Variants in ENOX1 observed in about 807,000 individuals in gnomAD.
ENOX1 encodes candidate growth-related and time keeping constitutive hydroquinone (NADH) oxidase.
In ENOX1, 42 loss-of-function variants were observed where a neutral mutation model predicts 82.5. The observed-to-expected ratio is 0.51, with a 90% confidence interval of 0.40 to 0.66. ENOX1 has a LOEUF of 0.66. Among genes scored for constraint, ENOX1 ranks in the 30% least tolerant of loss-of-function variants. ENOX1 has a pLI of 0.00. For missense variants in ENOX1, 608 were observed against 811.6 expected, an observed-to-expected ratio of 0.75 and a Z score of 3.05; for synonymous variants, 271 against 282.2, an observed-to-expected ratio of 0.96 and a Z score of 0.40.
At chr13:43,247,856 TATATATATATATATATA>T (rs1566329142) in intron 14 of ENOX1, among the ~76,000 whole-genome samples, 120 of 4,330 alleles carry the variant, frequency 0.028, 14 homozygotes, top group African/African-American at 0.044. Flanking sequence ...TATATATATA[TATATATATATATATATA>T]TATATATATA....
At chr13:43,512,272 G>C (rs118027616) in intron 2 of ENOX1, among the ~76,000 whole-genome samples, 133 of 152,046 alleles carry the variant, frequency 8.7e-4, no homozygotes, top group South Asian at 3.5e-3. Context: ...TAATTACCCA[G>C]CACGGTTAGG....
At chr13:43,616,200 ATATATT>A (rs1421903203) in intron 2 of ENOX1, among the ~76,000 whole-genome samples, 2,000 of 19,088 alleles carry the variant, frequency 0.1, 556 homozygotes, top group South Asian at 0.21. Context: ...ATATATATAT[ATATATT>A]TTTTTTTTTT....
In ENOX1 at chr13:43,359,951, T is replaced by C. The variant is rs745672944; in HGVS notation, c.489A>G (p.Glu163=). ...ATEEIIQEVF[E]QCGDITAIRK... ...GAATTGCTGTAATATCACCGCACTG[T>C]TCAAAGACTTCTTGAATAATTTCCT... is the stretch of plus-strand genomic sequence containing the variant. Residue 163 remains glutamate (E), a synonymous_variant, in exon 7 of 17, where the codon GAA becomes GAG. Coordinates refer to ENST00000690772, the MANE Select transcript of ENOX1 (RefSeq NM_001347969.2). 1.2e-6 allele frequency: 2 copies of C among 1,614,122 alleles called. No individual in the cohort carries two copies. The highest frequency in any genetic ancestry group is 2.7e-5 in the African/African-American group (2 of 74,952).
chr13:43,646,922 C>T (rs2083920355), intron 2 of ENOX1, among the ~76,000 whole-genome samples: 1 of 152,236 alleles, frequency 6.6e-6, no homozygotes, highest in African/African-American at 2.4e-5. Flanking sequence ...TTTCTCTTCA[C>T]AGAGGCTCAA....
At chr13:43,479,511 G>T (rs1307426290) in intron 3 of ENOX1, among the ~76,000 whole-genome samples, 1 of 152,076 alleles carries the variant, frequency 6.6e-6, no homozygotes, top group East Asian at 1.9e-4. Context: ...CCATTTTCCT[G>T]TACTGAGTTC....
chr13:43,490,985 T>C (rs1313217975), intron 2 of ENOX1, among the ~76,000 whole-genome samples: 4 of 152,202 alleles, frequency 2.6e-5, no homozygotes, highest in South Asian at 2.1e-4. Context: ...CATTCTTAGA[T>C]TGCTATAAAG....
chr13:43,597,188 A>G (rs1423021784), intron 2 of ENOX1, among the ~76,000 whole-genome samples: 1 of 152,198 alleles, frequency 6.6e-6, no homozygotes, highest in African/African-American at 2.4e-5. Flanking sequence ...TGAGAAGAGC[A>G]AAGGGGAAGT....
At chr13:43,439,144 G>A (rs1238102765) in intron 3 of ENOX1, among the ~76,000 whole-genome samples, 4 of 150,066 alleles carry the variant, frequency 2.7e-5, no homozygotes, top group African/African-American at 7.4e-5. Flanking sequence ...CCACCTCCCG[G>A]GTTCAAGCAA....
chr13:43,623,203 G>C (rs2082817074), intron 2 of ENOX1, among the ~76,000 whole-genome samples: 1 of 152,130 alleles, frequency 6.6e-6, no homozygotes, highest in African/African-American at 2.4e-5. Flanking sequence ...CGAAAGAAAA[G>C]GGTTTGGTTT....
intron 1 of ENOX1, among the ~76,000 whole-genome samples, chr13:43,679,370 C>T (rs2085671774): frequency 6.6e-6 from 1 of 152,136 alleles, no homozygotes; most frequent in African/African-American, 2.4e-5. Flanking sequence ...CAATTCCCAG[C>T]TATTTCTTAT....
At chr13:43,616,140 AGATATC>A (rs2082429072) in intron 2 of ENOX1, among the ~76,000 whole-genome samples, 1 of 70,830 alleles carries the variant, frequency 1.4e-5, no homozygotes, top group African/African-American at 4.6e-5. Flanking sequence ...CTATCTATCT[AGATATC>A]TATATAGATA....
rs2050498478 is a variant in ENOX1 at position 43,361,450 on chromosome 13, A to G, written c.211T>C (p.Ser71Pro). 7.5e-6 allele frequency: 12 copies of G among 1,607,450 alleles called. No homozygotes were observed. Among genetic ancestry groups the G allele is most frequent in the Non-Finnish European group, 1.0e-5 (12 of 1,178,482 alleles). Reference protein sequence around the residue: ...GLPGQQLVSDSICVPGFDPSL... With the variant: ...GLPGQQLVSDPICVPGFDPSL... ...GGATCAAAGCCTGGGACACAGATTGAGTCTGTAAAGTATACAAGATAACAT... is the reference window on the plus strand; with the variant it reads ...GGATCAAAGCCTGGGACACAGATTGGGTCTGTAAAGTATACAAGATAACAT... Residue 71 changes from serine to proline, a missense_variant and splice_region_variant, in exon 6 of 17, where the codon TCA (serine) becomes CCA (proline). Transcript: ENST00000690772.
Position 43,356,803 on chromosome 13 carries a change from C to T in ENOX1, c.590-651G>A, listed in dbSNP as rs1221590193. On this transcript the variant is annotated intron_variant, in intron 7 of 16. Coordinates refer to ENST00000690772, the MANE Select transcript of ENOX1 (RefSeq NM_001347969.2). ...GGTGCGCAGGAGAATATTTTACCTTCGATCAAGAGGCCTCGCCGCTGCCTG... is the reference window on the plus strand; with the variant it reads ...GGTGCGCAGGAGAATATTTTACCTTTGATCAAGAGGCCTCGCCGCTGCCTG... Among the ~76,000 whole-genome samples the T allele has an allele frequency of 3.3e-5, 5 of 152,042 alleles. 1 individual carries two copies. Among genetic ancestry groups the T allele is most frequent in the African/African-American group, 4.8e-5 (2 of 41,406 alleles).
intron 11 of ENOX1, among the ~76,000 whole-genome samples, chr13:43,315,514 G>T (rs1018979976): frequency 6.6e-6 from 1 of 152,176 alleles, no homozygotes; most frequent in Non-Finnish European, 1.5e-5. Flanking sequence ...CCCAGATTCT[G>T]TCATCTAAAC....
intron 3 of ENOX1, among the ~76,000 whole-genome samples, chr13:43,468,736 T>G (rs1249421880): frequency 6.6e-6 from 1 of 152,210 alleles, no homozygotes; most frequent in Admixed American, 6.5e-5. Flanking sequence ...TTAAGCTTTC[T>G]ATGATTATGG....
chr13:43,591,477 A>C (rs562814908), intron 2 of ENOX1, among the ~76,000 whole-genome samples: 1 of 152,320 alleles, frequency 6.6e-6, no homozygotes, highest in African/African-American at 2.4e-5. Flanking sequence ...AAGACAACAT[A>C]AAAGGCACAG....
Position 43,470,352 on chromosome 13 carries a change from A to ATATG in ENOX1, c.-75+13656_-75+13657insCATA, listed in dbSNP as rs1491051727. 2.0e-4 allele frequency among the ~76,000 whole-genome samples: 8 copies of ATATG among 39,698 alleles called. 3 individuals are homozygous for ATATG. Among genetic ancestry groups the ATATG allele is most frequent in the Admixed American group, 4.6e-4 (2 of 4,390 alleles). 26.0% of individuals were successfully genotyped at this position (39,698 alleles called of 152,430 possible). ...TATGTATATATATACGTATATATAT[A>ATATG]TGTATATATATACGTATATATATAC... On this transcript the variant is annotated intron_variant, in intron 3 of 16. Transcript: ENST00000690772.
chr13:43,777,027 G>A (rs1393510878), intron 1 of ENOX1, among the ~76,000 whole-genome samples: 2 of 152,332 alleles, frequency 1.3e-5, no homozygotes, highest in Non-Finnish European at 1.5e-5. Context: ...CTGGTGAAAG[G>A]AAGAGGAGTT....
At chr13:43,497,361 T>C (rs1012412154) in intron 2 of ENOX1, among the ~76,000 whole-genome samples, 3 of 152,198 alleles carry the variant, frequency 2.0e-5, no homozygotes, top group Non-Finnish European at 2.9e-5. Flanking sequence ...AGGGAAAGTA[T>C]TCACTGTTAA....
Sources: allele counts gnomAD v4.1 joint callset (sites outside exome capture counted in the v4.1 genomes callset), GRCh38; gene constraint gnomAD v4.1.1; transcripts MANE v1.5; gene names NCBI Gene and HGNC (gene_info 2026-07-23, HGNC 2026-07-21).